Variants in ZNF804B observed in about 807,000 individuals in gnomAD.
ZNF804B encodes zinc finger protein 804B.
In ZNF804B, 80 loss-of-function variants were observed where a neutral mutation model predicts 101.4. That is an observed-to-expected ratio of 0.79 (90% CI 0.66 to 0.95). ZNF804B has a LOEUF of 0.95. ZNF804B is among the 40% of genes least tolerant of loss of function. ZNF804B has a pLI of 0.00. For missense variants in ZNF804B, 1,673 were observed against 1,561.9 expected, an observed-to-expected ratio of 1.07 and a Z score of -1.20; for synonymous variants, 622 against 558.8, an observed-to-expected ratio of 1.11 and a Z score of -1.59.
chr7:88,801,315 A>T (rs943589774), intron 1 of ZNF804B, among the ~76,000 whole-genome samples: 123 of 152,070 alleles, frequency 8.1e-4, no homozygotes, highest in Admixed American at 1.5e-3. Context: ...AAAAAAAAAA[A>T]AGTAACTTGG....
At chr7:89,128,991 A>T (rs1392265187) in intron 1 of ZNF804B, among the ~76,000 whole-genome samples, 1 of 151,908 alleles carries the variant, frequency 6.6e-6, no homozygotes, top group East Asian at 1.9e-4. Context: ...AGCAGAATTC[A>T]TTGTGCTGAC....
rs545603772 is a variant in ZNF804B at position 88,819,374 on chromosome 7, G to A, written c.108+59290G>A. Among the ~76,000 whole-genome samples, 9 of 152,104 alleles carry A rather than the reference G, an allele frequency of 5.9e-5. No individual in the cohort carries two copies. In the East Asian group the frequency reaches 1.6e-3, roughly 26 times the overall value. ...TCGAACTCCTGACTTCAAGTGATCA[G>A]CCTGCCTCAGCCTCCCAAAGTGCTG... On this transcript the variant is annotated intron_variant, in intron 1 of 3. Coordinates refer to ENST00000333190, the MANE Select transcript of ZNF804B (RefSeq NM_181646.5).
At chr7:89,088,360 G>C (rs1457791796) in intron 1 of ZNF804B, among the ~76,000 whole-genome samples, 1 of 151,912 alleles carries the variant, frequency 6.6e-6, no homozygotes, top group Non-Finnish European at 1.5e-5. Context: ...CTGAGAATGA[G>C]ATCTGGAACC....
intron 2 of ZNF804B, among the ~76,000 whole-genome samples, chr7:89,278,665 A>T (rs1450064500): frequency 6.6e-6 from 1 of 150,796 alleles, no homozygotes; most frequent in African/African-American, 2.4e-5. Flanking sequence ...AGTTGTAGAT[A>T]TGTGGCGTTA....
In ZNF804B at chr7:89,169,141, C is replaced by T. The variant is rs146356666; in HGVS notation, c.109-49014C>T. 3.6e-4 allele frequency among the ~76,000 whole-genome samples: 55 copies of T among 152,258 alleles called. No homozygotes were observed. In the East Asian group the frequency reaches 9.5e-3, roughly 26 times the overall value. ...TGGGAGCACAGTGGACACCCTGCCCCATCCGGAGGAGTGAAAGTCAATGGC... is the reference window on the plus strand; with the variant it reads ...TGGGAGCACAGTGGACACCCTGCCCTATCCGGAGGAGTGAAAGTCAATGGC... On this transcript the variant is annotated intron_variant, in intron 1 of 3. Transcript: ENST00000333190.
chr7:89,103,364 G>T (rs1790089936), intron 1 of ZNF804B, among the ~76,000 whole-genome samples: 1 of 151,108 alleles, frequency 6.6e-6, no homozygotes, highest in Admixed American at 6.6e-5. Context: ...ATGAACATTG[G>T]GTATTTTTCC....
intron 1 of ZNF804B, among the ~76,000 whole-genome samples, chr7:88,968,689 CT>C (rs1793491956): frequency 6.6e-6 from 1 of 151,502 alleles, no homozygotes; most frequent in South Asian, 2.1e-4. Context: ...TGTAAGGAGA[CT>C]TTTCAGATAG....
chr7:88,817,028 T>C (rs1790890631), intron 1 of ZNF804B, among the ~76,000 whole-genome samples: 1 of 151,792 alleles, frequency 6.6e-6, no homozygotes, highest in Non-Finnish European at 1.5e-5. Context: ...GTGGCACATA[T>C]ACACCATGGA....
intron 1 of ZNF804B, among the ~76,000 whole-genome samples, chr7:89,085,028 G>T (rs1486105169): frequency 1.3e-5 from 2 of 151,794 alleles, no homozygotes; most frequent in African/African-American, 4.8e-5. Context: ...TTTATTTCAA[G>T]GGGACAGACT....
chr7:89,234,987 C>T (rs1789258374), intron 2 of ZNF804B, among the ~76,000 whole-genome samples: 1 of 152,160 alleles, frequency 6.6e-6, no homozygotes, highest in South Asian at 2.1e-4. Flanking sequence ...TTCTCTCTCT[C>T]TGGAGAATTT....
chr7:89,096,014 G>A (rs970373485), intron 1 of ZNF804B, among the ~76,000 whole-genome samples: 1 of 152,008 alleles, frequency 6.6e-6, no homozygotes. Flanking sequence ...AATTAGCCGG[G>A]CATGGTGGCG....
At chr7:89,035,522 G>A (rs1045460267) in intron 1 of ZNF804B, among the ~76,000 whole-genome samples, 1 of 151,950 alleles carries the variant, frequency 6.6e-6, no homozygotes, top group Non-Finnish European at 1.5e-5. Flanking sequence ...AAAAAAATGA[G>A]TAAGACATAA....
chr7:88,872,121 G>A (rs996019528), intron 1 of ZNF804B, among the ~76,000 whole-genome samples: 6 of 152,190 alleles, frequency 3.9e-5, no homozygotes, highest in Non-Finnish European at 8.8e-5. Context: ...ATTCTTAAGT[G>A]TCTCAGGGGA....
At chr7:88,856,395 T>C (rs1191710106) in intron 1 of ZNF804B, among the ~76,000 whole-genome samples, 1 of 152,198 alleles carries the variant, frequency 6.6e-6, no homozygotes, top group Non-Finnish European at 1.5e-5. Flanking sequence ...ACTCATGATT[T>C]GGCTCTCTGT....
intron 2 of ZNF804B, among the ~76,000 whole-genome samples, chr7:89,222,335 C>G (rs1019028411): frequency 5.3e-5 from 8 of 151,932 alleles, no homozygotes; most frequent in Non-Finnish European, 7.4e-5. Flanking sequence ...CATAATTAAT[C>G]TCACTTCTAA....
chr7:89,104,246 A>T (rs920630444), intron 1 of ZNF804B, among the ~76,000 whole-genome samples: 2 of 152,070 alleles, frequency 1.3e-5, no homozygotes, highest in Non-Finnish European at 2.9e-5. Flanking sequence ...TACTGGATTC[A>T]TAGAATGAGT....
intron 1 of ZNF804B, among the ~76,000 whole-genome samples, chr7:89,215,914 A>AATAAATAC (rs1562918630): frequency 3.9e-4 from 59 of 150,586 alleles, no homozygotes; most frequent in Middle Eastern, 3.4e-3. Flanking sequence ...TAAATAAATA[A>AATAAATAC]ATAAATAAAT....
At chr7:89,009,152 A>T (rs1028623870) in intron 1 of ZNF804B, among the ~76,000 whole-genome samples, 2 of 152,082 alleles carry the variant, frequency 1.3e-5, no homozygotes, top group African/African-American at 4.8e-5. Context: ...TTCTTCTGCA[A>T]TTTTTGACAT....
intron 1 of ZNF804B, among the ~76,000 whole-genome samples, chr7:89,172,762 C>T (rs996245692): frequency 1.3e-5 from 2 of 152,094 alleles, no homozygotes; most frequent in Non-Finnish European, 2.9e-5. Context: ...TCTTCGTTTT[C>T]TCCATCTCAT....
Sources: allele counts gnomAD v4.1 joint callset (sites outside exome capture counted in the v4.1 genomes callset), GRCh38; gene constraint gnomAD v4.1.1; transcripts MANE v1.5; gene names NCBI Gene and HGNC (gene_info 2026-07-23, HGNC 2026-07-21).